The following MRTFA variants were observed in gnomAD, a reference collection of about 807,000 sequenced individuals.
MRTFA encodes myocardin related transcription factor A.
In MRTFA, 20 loss-of-function variants were observed where a neutral mutation model predicts 83.5. That is an observed-to-expected ratio of 0.24 (90% CI 0.17 to 0.35). The LOEUF (loss-of-function observed/expected upper bound fraction) is 0.35. MRTFA is among the 10% of genes least tolerant of loss of function. MRTFA has a pLI of 1.00. For synonymous variants in MRTFA, 659 were observed against 541.2 expected, an observed-to-expected ratio of 1.22 and a Z score of -3.02; for missense variants, 1,200 against 1,224.7, an observed-to-expected ratio of 0.98 and a Z score of 0.30.
chr22:40,625,711 A>G (rs1053210740), intron 1 of MRTFA, among the ~76,000 whole-genome samples: 1 of 152,156 alleles, frequency 6.6e-6, no homozygotes, highest in African/African-American at 2.4e-5. Context: ...CCCCGGAGGC[A>G]GAGATTGCAG....
At chr22:40,486,106 C>T (rs2054170657) in intron 3 of MRTFA, among the ~76,000 whole-genome samples, 1 of 152,148 alleles carries the variant, frequency 6.6e-6, no homozygotes, top group Non-Finnish European at 1.5e-5. Flanking sequence ...AGTGGGCTTG[C>T]AGATCCCGAC....
intron 1 of MRTFA, among the ~76,000 whole-genome samples, chr22:40,611,868 T>C (rs998176589): frequency 2.0e-5 from 3 of 152,156 alleles, no homozygotes; most frequent in African/African-American, 2.4e-5. Context: ...AGTCCACTCA[T>C]TGCTCAGACT....
rs1235960310 is a variant in MRTFA at position 40,418,727 on chromosome 22, G to A, written c.2011C>T (p.Leu671Phe). The change falls in exon 12 of 15, where the codon CTC (leucine) becomes TTC (phenylalanine). Residue 671 changes from leucine to phenylalanine, a missense_variant. Physicochemically the swap from Leu to Phe is conservative, Grantham distance 22. Transcript: ENST00000355630. ...TTCTCCTGCTTCACGGGGGTGCCGA[G>A]GGGGGCGGGGGCGGGGGCGGGCTGC... 3.4e-6 allele frequency: 5 copies of A among 1,471,168 alleles called. No individual in the cohort carries two copies. The African/African-American group carries it at 7.1e-5, about 21-fold the overall frequency. 91.1% of individuals were successfully genotyped at this position (1,471,168 alleles called of 1,614,324 possible).
intron 3 of MRTFA, among the ~76,000 whole-genome samples, chr22:40,511,560 AG>A (rs1213687374): frequency 6.6e-6 from 1 of 152,242 alleles, no homozygotes; most frequent in African/African-American, 2.4e-5. Flanking sequence ...TTCCCACTAC[AG>A]GAACTGACAG....
At chr22:40,599,956 A>G (rs1330142807) in intron 1 of MRTFA, among the ~76,000 whole-genome samples, 11 of 151,734 alleles carry the variant, frequency 7.2e-5, no homozygotes, top group Non-Finnish European at 1.5e-4. Flanking sequence ...TGAAGAGGGG[A>G]AAAAGGAAAA....
chr22:40,433,773 T>C (rs953951371), intron 5 of MRTFA: 2 of 152,280 alleles, frequency 1.3e-5, no homozygotes, highest in Non-Finnish European at 2.9e-5. Context: ...AATTCTGCTA[T>C]AACCAATCCA....
intron 1 of MRTFA, among the ~76,000 whole-genome samples, chr22:40,629,752 G>C (rs2056621424): frequency 6.8e-6 from 1 of 146,356 alleles, no homozygotes. Flanking sequence ...CTCCAGCCTG[G>C]GTGACAGAGC....
intron 14 of MRTFA, among the ~76,000 whole-genome samples, chr22:40,414,065 G>A (rs2052622760): frequency 6.6e-6 from 1 of 152,204 alleles, no homozygotes; most frequent in Non-Finnish European, 1.5e-5. Context: ...GAGGCGGGGT[G>A]CGTTGGCTCA....
chr22:40,580,009 A>G (rs1392529645), intron 2 of MRTFA, among the ~76,000 whole-genome samples: 1 of 152,224 alleles, frequency 6.6e-6, no homozygotes, highest in Non-Finnish European at 1.5e-5. Flanking sequence ...CGAGCAAGGA[A>G]AAAATAAAAT....
At chr22:40,518,202 G>A (rs2054793207) in intron 3 of MRTFA, among the ~76,000 whole-genome samples, 1 of 152,116 alleles carries the variant, frequency 6.6e-6, no homozygotes, top group Non-Finnish European at 1.5e-5. Flanking sequence ...CTGAGGAGAG[G>A]CTTGTGGAAA....
rs545476379 is a variant in MRTFA at position 40,568,688 on chromosome 22, A to T, written c.-21-16321T>A. On this transcript the variant is annotated intron_variant, in intron 2 of 14. Transcript: ENST00000355630. ...CACATCCATTTTCCAAACAAAGTAA[A>T]TAATACAACTAAAGTGTTCTCTACA... Among the ~76,000 whole-genome samples, 6 of 152,340 alleles carry T rather than the reference A, an allele frequency of 3.9e-5. 1 individual carries two copies. The highest frequency in any genetic ancestry group is 3.9e-4 in the Admixed American group (6 of 15,300).
Position 40,420,836 on chromosome 22 carries a change from C to T in MRTFA, c.1181+11G>A, listed in dbSNP as rs769541233. ...GAGGGCAGGGGCAGGCAGTGAGGAG[C>T]GGGTGCCTACTTTGGCGGGGCAGGC... is the stretch of plus-strand genomic sequence containing the variant. On this transcript the variant is annotated intron_variant, in intron 10 of 14. Coordinates refer to ENST00000355630, the MANE Select transcript of MRTFA (RefSeq NM_020831.6). The T allele has an allele frequency of 5.0e-6, 8 of 1,612,744 alleles. No homozygotes were observed. The highest frequency in any genetic ancestry group is 1.1e-5 in the South Asian group (1 of 91,034).
rs531757746 is a variant in MRTFA at position 40,471,294 on chromosome 22, T to C, written c.242-8008A>G. On this transcript the variant is annotated intron_variant, in intron 3 of 14. Coordinates refer to ENST00000355630, the MANE Select transcript of MRTFA (RefSeq NM_020831.6). The stretch of plus-strand genomic sequence containing the variant: ...GGCACGCGCCTGTAATCCCAGCTAC[T>C]TGGGAGGCTGAGGCAAGAGAATCGC... 2.7e-5 allele frequency among the ~76,000 whole-genome samples: 4 copies of C among 148,198 alleles called. No homozygotes were observed. In the East Asian group the frequency reaches 6.0e-4, roughly 22 times the overall value.
intron 3 of MRTFA, among the ~76,000 whole-genome samples, chr22:40,547,016 G>A (rs1044030740): frequency 6.6e-6 from 1 of 152,100 alleles, no homozygotes; most frequent in East Asian, 1.9e-4. Flanking sequence ...TTAGCCTGGC[G>A]TGGTGGTAGG....
chr22:40,499,568 T>A (rs939538955), intron 3 of MRTFA, among the ~76,000 whole-genome samples: 28 of 152,190 alleles, frequency 1.8e-4, no homozygotes, highest in African/African-American at 6.0e-4. Context: ...AAAACTTTTT[T>A]AAAATTTTAA....
chr22:40,543,845 T>C (rs1018717885), intron 3 of MRTFA, among the ~76,000 whole-genome samples: 5 of 152,234 alleles, frequency 3.3e-5, no homozygotes, highest in African/African-American at 7.2e-5. Context: ...AGTAATTTTA[T>C]ATGGAAATGC....
chr22:40,463,201 TGA>T lies in MRTFA; in HGVS notation c.307+18_307+19del, dbSNP rs142278087. ...GTCCTAAAAGCAATCTACCAAATGC[TGA>T]GAGAGAGAGGCACTTACGCGGCATG... On this transcript the variant is annotated intron_variant, in intron 4 of 14. Coordinates refer to ENST00000355630, the MANE Select transcript of MRTFA (RefSeq NM_020831.6). The T allele has an allele frequency of 1.4e-5, 23 of 1,609,102 alleles. No homozygotes were observed. Among genetic ancestry groups the T allele is most frequent in the Middle Eastern group, 3.3e-4 (2 of 6,048 alleles).
intron 7 of MRTFA, 54 bp downstream of exon 7, chr22:40,429,552 C>A (rs548003502): frequency 1.2e-6 from 2 of 1,607,646 alleles, no homozygotes; most frequent in South Asian, 2.2e-5. Flanking sequence ...CTGGCACTCC[C>A]TCCCCTCCTG....
At chr22:40,431,598 A>G in intron 5 of MRTFA, 118 bp from the exon 6 acceptor site, 2 of 917,724 alleles carry the variant, frequency 2.2e-6, no homozygotes, top group Admixed American at 3.7e-5. Context: ...AGTTCCCACA[A>G]CCTTAACTTG....
Sources: allele counts gnomAD v4.1 joint callset (sites outside exome capture counted in the v4.1 genomes callset), GRCh38; gene constraint gnomAD v4.1.1; transcripts MANE v1.5; gene names NCBI Gene and HGNC (gene_info 2026-07-23, HGNC 2026-07-21).